NPRL3: variants seen among roughly 807,000 people sequenced by gnomAD.
The protein encoded by NPRL3 is NPR3 like, GATOR1 complex subunit.
Under a neutral mutation model 57.2 loss-of-function variants are expected in NPRL3, and 23 were observed. The observed-to-expected ratio is 0.40, with a 90% CI of 0.29 to 0.57. NPRL3 has a LOEUF of 0.57. NPRL3 is among the 20% of genes least tolerant of loss of function. The probability of loss-of-function intolerance (pLI) is 0.42; values close to 1 mark genes in which losing one functional copy is unlikely to be tolerated. For missense variants in NPRL3, 691 were observed against 767.1 expected (o/e 0.90, Z 1.17); for synonymous variants, 333 against 321.1 (o/e 1.04, Z -0.39).
intron 7 of NPRL3, among the ~76,000 whole-genome samples, chr16:103,202 C>T (rs991051094): frequency 1.3e-5 from 2 of 149,840 alleles, no homozygotes; most frequent in Non-Finnish European, 1.5e-5. Flanking sequence ...AGTGCAGTGG[C>T]GCCATCTCCG....
intron 3 of NPRL3, chr16:123,592 T>C: frequency 4.3e-6 from 2 of 465,794 alleles, no homozygotes; most frequent in Non-Finnish European, 4.4e-6. Flanking sequence ...ACATATCACT[T>C]TTTTAAAAAC....
chr16:93,486 T>C (rs943497034), intron 9 of NPRL3, among the ~76,000 whole-genome samples, 161 bp from the exon 10 acceptor site: 1 of 151,458 alleles, frequency 6.6e-6, no homozygotes, highest in Non-Finnish European at 1.5e-5. Flanking sequence ...ACTTCCTCCC[T>C]AACGTGGAAT....
In NPRL3 at chr16:97,849, C is replaced by T. The variant is rs2562175; in HGVS notation, c.924+296G>A. 0.072 allele frequency among the ~76,000 whole-genome samples: 10,976 copies of T among 152,178 alleles called. 712 individuals are homozygous for T. The highest frequency in any genetic ancestry group is 0.18 in the African/African-American group (7,260 of 41,480). The stretch of plus-strand genomic sequence containing the variant: ...CCCTGCCCACCCCCTAGCTCTGGTG[C>T]CTCAACCTCCAGGACTGCAAGCACC... On this transcript the variant is annotated intron_variant, in intron 9 of 13. Transcript: ENST00000611875.
chr16:121,744 A>C (rs1596530893), intron 3 of NPRL3, among the ~76,000 whole-genome samples: 1 of 152,032 alleles, frequency 6.6e-6, no homozygotes, highest in African/African-American at 2.4e-5. Flanking sequence ...TACTCCCCAC[A>C]CCTTAATATT....
At chr16:107,376 T>TG (rs11414261) in intron 7 of NPRL3, among the ~76,000 whole-genome samples, 152,198 of 152,200 alleles carry the variant, frequency 1, 76,098 homozygotes, top group Non-Finnish European at 1. Flanking sequence ...CCGGGCACGG[T>TG]GCTCACGCCT....
At chr16:124,551 G>A (rs915471565) in intron 3 of NPRL3, among the ~76,000 whole-genome samples, 23 of 151,950 alleles carry the variant, frequency 1.5e-4, no homozygotes, top group African/African-American at 5.3e-4. Context: ...ACAAGAAATC[G>A]CCTACCGAGG....
At chr16:115,089 C>T (rs1267683566) in intron 5 of NPRL3, among the ~76,000 whole-genome samples, 1 of 151,918 alleles carries the variant, frequency 6.6e-6, no homozygotes, top group Non-Finnish European at 1.5e-5. Flanking sequence ...ATCCTCCCAC[C>T]TCAGCCTCCC....
At chr16:99,773 T>C (rs186419696) in intron 8 of NPRL3, among the ~76,000 whole-genome samples, 89 of 149,894 alleles carry the variant, frequency 5.9e-4, no homozygotes, top group Admixed American at 2.2e-3. Context: ...CTACTAAAAG[T>C]ACCAAAAAAA....
At chr16:98,460 G>A (rs985786133) in intron 8 of NPRL3, among the ~76,000 whole-genome samples, 159 bp from the exon 9 acceptor site, 1 of 151,530 alleles carries the variant, frequency 6.6e-6, no homozygotes, top group Admixed American at 6.6e-5. Flanking sequence ...TCAAACACAC[G>A]GAACATACGA....
chr16:104,049 G>C (rs1411040465), intron 7 of NPRL3, among the ~76,000 whole-genome samples: 2 of 152,006 alleles, frequency 1.3e-5, no homozygotes, highest in Non-Finnish European at 1.5e-5. Flanking sequence ...GGGAGGTAGA[G>C]GCGGAGGCGG....
rs964351371 is a variant in NPRL3, at chr16:137,604, C to A, written c.118+546G>T. On this transcript the variant is annotated intron_variant, in intron 2 of 13. Coordinates refer to ENST00000611875, the MANE Select transcript of NPRL3 (RefSeq NM_001077350.3). ...TTGCTCTGTTGCCCAGGCTGGAATC[C>A]AGTGGCGCGATCTCGGTTCACTGAA... Among the ~76,000 whole-genome samples the A allele has an allele frequency of 2.6e-5, 4 of 151,638 alleles. No individual in the cohort carries two copies. In the South Asian group the frequency reaches 8.4e-4, roughly 32 times the overall value.
At chr16:127,843 AT>A (rs1465960010) in intron 3 of NPRL3, among the ~76,000 whole-genome samples, 1 of 150,716 alleles carries the variant, frequency 6.6e-6, no homozygotes, top group East Asian at 2.0e-4. Flanking sequence ...TTTAGTAGAG[AT>A]GGGGTTTCAC....
At chr16:117,805 G>C (rs535645698) in intron 4 of NPRL3, among the ~76,000 whole-genome samples, 1 of 152,232 alleles carries the variant, frequency 6.6e-6, no homozygotes, top group East Asian at 1.9e-4. Context: ...AGGTGAGGCA[G>C]GCCAGCAAGT....
chr16:130,488 A>C, intron 3 of NPRL3, 34 bp downstream of exon 3: 5 of 1,540,690 alleles, frequency 3.2e-6, no homozygotes, highest in Non-Finnish European at 4.4e-6. Flanking sequence ...GGACCAGGAC[A>C]CGCCCCGCCC....
chr16:115,345 A>G lies in NPRL3; in HGVS notation c.393+1956T>C, dbSNP rs141773453. 3.4e-3 allele frequency among the ~76,000 whole-genome samples: 521 copies of G among 152,220 alleles called. 10 individuals are homozygous for G. The East Asian group carries it at 0.07, about 20-fold the overall frequency. ...AAAGTGTATATTTTAAAAAGAAAGAATATATATTTAAAATGACAAAAGTAT... is the reference window on the plus strand; with the variant it reads ...AAAGTGTATATTTTAAAAAGAAAGAGTATATATTTAAAATGACAAAAGTAT... On this transcript the variant is annotated intron_variant, in intron 5 of 13. Transcript: ENST00000611875.
rs373555385 is a variant in NPRL3, at chr16:108,658, C to CTT, written c.629+1865_629+1866dup. Among the ~76,000 whole-genome samples, 51 of 115,738 alleles carry CTT rather than the reference C, an allele frequency of 4.4e-4. 2 individuals carry two copies. In the South Asian group the frequency reaches 0.017, roughly 38 times the overall value. The allele number at this position is 115,738 out of a possible 152,430, so 75.9% of individuals were successfully genotyped here. On this transcript the variant is annotated intron_variant, in intron 7 of 13. Coordinates refer to ENST00000611875, the MANE Select transcript of NPRL3 (RefSeq NM_001077350.3). ...TAAATTTTATTTATTTTTTATTTTA[C>CTT]TTTTGTTTTTTAATTTTTATTATTA...
intron 8 of NPRL3, among the ~76,000 whole-genome samples, 161 bp downstream of exon 8, chr16:100,211 A>T (rs936208725): frequency 6.6e-6 from 1 of 152,056 alleles, no homozygotes; most frequent in African/African-American, 2.4e-5. Context: ...ATACAAAATT[A>T]TGTGTTTTAA....
At chr16:113,267 C>G in intron 5 of NPRL3, among the ~76,000 whole-genome samples, 1 of 152,194 alleles carries the variant, frequency 6.6e-6, no homozygotes, top group East Asian at 1.9e-4. Context: ...TCACGACAGG[C>G]CACGTTACTA....
rs1333717003 is a variant in NPRL3, at chr16:119,515, A to G, written c.189-260T>C. 8.0e-6 allele frequency: 4 copies of G among 501,174 alleles called. No homozygotes were observed. The Admixed American group carries it at 1.3e-4, about 17-fold the overall frequency. The allele number at this position is 501,174 out of a possible 1,614,324, so 31.0% of individuals were successfully genotyped here. On this transcript the variant is annotated intron_variant, in intron 3 of 13. Coordinates refer to ENST00000611875, the MANE Select transcript of NPRL3 (RefSeq NM_001077350.3). ...ATGCTGTCATTTTTTGGCATGCTCT[A>G]TTAAATTCAGGAGAGAAACAGTTGC...
Sources: allele counts gnomAD v4.1 joint callset (sites outside exome capture counted in the v4.1 genomes callset), GRCh38; gene constraint gnomAD v4.1.1; transcripts MANE v1.5; gene names NCBI Gene and HGNC (gene_info 2026-07-23, HGNC 2026-07-21).